CYP39A1: variants seen among roughly 807,000 people sequenced by gnomAD.
CYP39A1 encodes the protein cytochrome P450 family 39 subfamily A member 1.
In CYP39A1, 49 loss-of-function variants were observed where a neutral mutation model predicts 58.1. The observed-to-expected ratio is 0.84, with a 90% CI of 0.67 to 1.07. The LOEUF (loss-of-function observed/expected upper bound fraction) is 1.07. CYP39A1 is among the 50% of genes least tolerant of loss of function. The pLI is 0.00. For missense variants in CYP39A1, 531 were observed against 539.4 expected, an observed-to-expected ratio of 0.98 and a Z score of 0.16; for synonymous variants, 209 against 187.6, an observed-to-expected ratio of 1.11 and a Z score of -0.93.
intron 1 of CYP39A1, among the ~76,000 whole-genome samples, chr6:46,645,776 T>C (rs1762283650): frequency 6.6e-6 from 1 of 152,136 alleles, no homozygotes; most frequent in South Asian, 2.1e-4. Context: ...TTTAATATGT[T>C]GACTTTTCCA....
intron 1 of CYP39A1, among the ~76,000 whole-genome samples, chr6:46,646,945 G>C (rs1208628436): frequency 1.3e-5 from 2 of 151,604 alleles, no homozygotes; most frequent in African/African-American, 4.8e-5. Flanking sequence ...TATCAGTCTT[G>C]CATGAAGTCT....
intron 3 of CYP39A1, among the ~76,000 whole-genome samples, chr6:46,638,556 GTTTA>G (rs1348673363): frequency 6.6e-5 from 10 of 151,348 alleles, no homozygotes; most frequent in African/African-American, 1.7e-4. Context: ...ACTTAATACT[GTTTA>G]TTTAATTTTT....
At chr6:46,615,043 G>A (rs1774443191) in intron 7 of CYP39A1, among the ~76,000 whole-genome samples, 1 of 152,052 alleles carries the variant, frequency 6.6e-6, no homozygotes, top group Non-Finnish European at 1.5e-5. Context: ...TGGGTTGGTA[G>A]ATCTGAATGG....
intron 10 of CYP39A1, among the ~76,000 whole-genome samples, chr6:46,582,015 C>T (rs1308322172): frequency 6.6e-6 from 1 of 152,128 alleles, no homozygotes; most frequent in East Asian, 1.9e-4. Flanking sequence ...GATAACCTGG[C>T]TCAGAGTCTC....
intron 10 of CYP39A1, among the ~76,000 whole-genome samples, chr6:46,573,479 G>A (rs1387403255): frequency 6.6e-6 from 1 of 152,184 alleles, no homozygotes; most frequent in Non-Finnish European, 1.5e-5. Flanking sequence ...GGGCCTTAGT[G>A]TCAAAGATTG....
Position 46,649,094 on chromosome 6 carries a change from T to C in CYP39A1, c.177+3312A>G, listed in dbSNP as rs73471155. ...GTAACAGAATTTCGTAACTAAAGAT[T>C]GGGTTCTAGCCATCTCAAGGCTCAA... On this transcript the variant is annotated intron_variant, in intron 1 of 11. Transcript: ENST00000275016. 7.4e-3 allele frequency among the ~76,000 whole-genome samples: 1,127 copies of C among 152,320 alleles called. 18 individuals are homozygous for C. The highest frequency in any genetic ancestry group is 0.026 in the African/African-American group (1,069 of 41,564).
intron 10 of CYP39A1, among the ~76,000 whole-genome samples, chr6:46,557,705 G>A (rs189292575): frequency 1.2e-4 from 18 of 150,632 alleles, no homozygotes; most frequent in East Asian, 9.8e-4. Context: ...TTGGGAGGCC[G>A]AGGAGGGCAG....
At chr6:46,647,272 A>G (rs1018809873) in intron 1 of CYP39A1, among the ~76,000 whole-genome samples, 4 of 152,156 alleles carry the variant, frequency 2.6e-5, no homozygotes, top group African/African-American at 9.6e-5. Flanking sequence ...ATTGAAAGGG[A>G]TAGAAAAATA....
intron 10 of CYP39A1, among the ~76,000 whole-genome samples, chr6:46,564,414 G>A (rs1345791292): frequency 6.6e-6 from 1 of 151,644 alleles, no homozygotes; most frequent in African/African-American, 2.4e-5. Flanking sequence ...CAGGCTGGTC[G>A]CAAACTCCTA....
At chr6:46,646,480 T>C (rs1298198358) in intron 1 of CYP39A1, among the ~76,000 whole-genome samples, 1 of 152,154 alleles carries the variant, frequency 6.6e-6, no homozygotes, top group Admixed American at 6.5e-5. Context: ...TGATATTTTG[T>C]TATTTCTGCA....
intron 11 of CYP39A1, among the ~76,000 whole-genome samples, chr6:46,552,424 A>C (rs1233552162): frequency 1.3e-5 from 2 of 152,250 alleles, no homozygotes; most frequent in Admixed American, 1.3e-4. Flanking sequence ...AGTGCAAAAG[A>C]AATCAAGTGA....
chr6:46,569,562 GAC>G (rs1414661107), intron 10 of CYP39A1, among the ~76,000 whole-genome samples: 1 of 151,902 alleles, frequency 6.6e-6, no homozygotes. Flanking sequence ...TCGATTTGTT[GAC>G]AGTTTTTTAT....
intron 7 of CYP39A1, among the ~76,000 whole-genome samples, chr6:46,615,342 GT>G (rs1190935324): frequency 1.3e-5 from 2 of 151,558 alleles, no homozygotes; most frequent in Non-Finnish European, 2.9e-5. Flanking sequence ...ATATGCACAT[GT>G]CTGTGTGTAT....
intron 11 of CYP39A1, among the ~76,000 whole-genome samples, chr6:46,553,073 CAAA>C (rs34991519): frequency 9.8e-5 from 8 of 81,402 alleles, no homozygotes; most frequent in African/African-American, 1.4e-4. Flanking sequence ...ACCCCCCAAC[CAAA>C]AAAAAAAAAA....
intron 10 of CYP39A1, chr6:46,582,981 T>TGGAC: frequency 1.3e-6 from 1 of 785,432 alleles, no homozygotes; most frequent in Middle Eastern, 6.6e-4. Flanking sequence ...TACTATTAGA[T>TGGAC]GGACCTCTGA....
chr6:46,640,050 G>T (rs939769477), intron 2 of CYP39A1, among the ~76,000 whole-genome samples: 1 of 152,100 alleles, frequency 6.6e-6, no homozygotes, highest in Non-Finnish European at 1.5e-5. Flanking sequence ...AGTTGGAGTC[G>T]CAGTGAGCCA....
At chr6:46,591,499 A>G (rs1772832173) in intron 8 of CYP39A1, among the ~76,000 whole-genome samples, 2 of 152,124 alleles carry the variant, frequency 1.3e-5, no homozygotes, top group Admixed American at 1.3e-4. Flanking sequence ...TAAAATAAAT[A>G]TAGTTAATGT....
chr6:46,590,886 T>C (rs1218983625), intron 8 of CYP39A1, among the ~76,000 whole-genome samples: 1 of 152,208 alleles, frequency 6.6e-6, no homozygotes, highest in Non-Finnish European at 1.5e-5. Context: ...AATGACTGTT[T>C]AATCTTCCAT....
chr6:46,580,971 C>G (rs1772100740), intron 10 of CYP39A1, among the ~76,000 whole-genome samples: 1 of 152,142 alleles, frequency 6.6e-6, no homozygotes, highest in Non-Finnish European at 1.5e-5. Context: ...AACTACCATT[C>G]AACCCAGCAA....
Sources: allele counts gnomAD v4.1 joint callset (sites outside exome capture counted in the v4.1 genomes callset), GRCh38; gene constraint gnomAD v4.1.1; transcripts MANE v1.5; gene names NCBI Gene and HGNC (gene_info 2026-07-23, HGNC 2026-07-21).